The following SLIT3 variants were observed in gnomAD, a reference collection of about 807,000 sequenced individuals.
SLIT3 encodes the protein slit homolog 3 protein.
Under a neutral mutation model 184.0 loss-of-function variants are expected in SLIT3, and 68 were observed. That is an observed-to-expected ratio of 0.37 (90% CI 0.30 to 0.45). The LOEUF is 0.45. Ranked by LOEUF, SLIT3 falls within the 20% of genes least tolerant of loss-of-function variation. SLIT3 has a pLI of 1.00. For missense variants in SLIT3, 1,707 were observed against 2,026.0 expected, an observed-to-expected ratio of 0.84 and a Z score of 3.02; for synonymous variants, 831 against 828.6, an observed-to-expected ratio of 1.00 and a Z score of -0.05.
At chr5:169,221,843 C>T (rs915695788) in intron 3 of SLIT3, among the ~76,000 whole-genome samples, 7 of 152,186 alleles carry the variant, frequency 4.6e-5, no homozygotes, top group Non-Finnish European at 1.0e-4. Flanking sequence ...TCTGCCTCAT[C>T]CAGACAGTCA....
intron 2 of SLIT3, among the ~76,000 whole-genome samples, chr5:169,245,335 G>A (rs1278728590): frequency 2.0e-5 from 3 of 152,154 alleles, no homozygotes; most frequent in South Asian, 2.1e-4. Flanking sequence ...CCAGCCACAC[G>A]CTTCACTCAC....
intron 18 of SLIT3, 94 bp downstream of exon 18, chr5:168,752,861 A>T (rs1383612847): frequency 1.6e-6 from 2 of 1,276,996 alleles, no homozygotes; most frequent in African/African-American, 1.5e-5. Context: ...AGACAGATAG[A>T]TGAGCCTGGC....
chr5:169,045,681 C>G (rs1757601272), intron 4 of SLIT3, among the ~76,000 whole-genome samples: 1 of 152,094 alleles, frequency 6.6e-6, no homozygotes, highest in Non-Finnish European at 1.5e-5. Flanking sequence ...GTGACTTGCC[C>G]AAAGTCAAAC....
chr5:168,730,869 C>G, intron 20 of SLIT3, among the ~76,000 whole-genome samples: 1 of 151,684 alleles, frequency 6.6e-6, no homozygotes, highest in East Asian at 1.9e-4. Flanking sequence ...AGAGAAATAA[C>G]AAAGATCATG....
intron 4 of SLIT3, among the ~76,000 whole-genome samples, chr5:168,894,334 C>G (rs1205335611): frequency 6.6e-6 from 1 of 152,006 alleles, no homozygotes; most frequent in Non-Finnish European, 1.5e-5. Context: ...CAGCATGAGG[C>G]CTGATGCATA....
chr5:169,139,824 GA>G (rs1168202608), intron 4 of SLIT3, among the ~76,000 whole-genome samples: 1 of 152,182 alleles, frequency 6.6e-6, no homozygotes, highest in Admixed American at 6.5e-5. Context: ...TGCCAAAACA[GA>G]ATGCCGCTGA....
intron 4 of SLIT3, among the ~76,000 whole-genome samples, chr5:168,964,484 G>A (rs1403742662): frequency 6.6e-6 from 1 of 152,224 alleles, no homozygotes; most frequent in African/African-American, 2.4e-5. Context: ...GAGATTAGGA[G>A]CCTATGAAAC....
intron 4 of SLIT3, among the ~76,000 whole-genome samples, chr5:169,191,395 A>C (rs1171298155): frequency 6.6e-6 from 1 of 152,156 alleles, no homozygotes; most frequent in Non-Finnish European, 1.5e-5. Flanking sequence ...GCTCAGGGTA[A>C]TTTACCTCAG....
chr5:169,208,028 T>C (rs1486050282), intron 3 of SLIT3, among the ~76,000 whole-genome samples: 2 of 152,108 alleles, frequency 1.3e-5, no homozygotes, highest in Admixed American at 1.3e-4. Context: ...ACAATTCTTA[T>C]GTCAAATTTA....
At chr5:168,847,358 T>A (rs1432282942) in intron 5 of SLIT3, among the ~76,000 whole-genome samples, 1 of 152,194 alleles carries the variant, frequency 6.6e-6, no homozygotes, top group African/African-American at 2.4e-5. Context: ...GACAGGATAT[T>A]CCAACCATGA....
intron 5 of SLIT3, among the ~76,000 whole-genome samples, chr5:168,878,344 C>T (rs28542405): frequency 1.3e-5 from 2 of 152,044 alleles, no homozygotes; most frequent in African/African-American, 4.8e-5. Flanking sequence ...GGGCAGGCGT[C>T]CAGTCCCTTC....
At chr5:168,712,391 A>G (rs752836101) in intron 23 of SLIT3, 37 bp from the exon 24 acceptor site, 3 of 1,591,868 alleles carry the variant, frequency 1.9e-6, no homozygotes, top group South Asian at 2.2e-5. Context: ...GTTAGCATCC[A>G]CTAATTTGAA....
Position 169,215,502 on chromosome 5 carries a change from G to T in SLIT3, c.342-21952C>A, listed in dbSNP as rs576538679. Among the ~76,000 whole-genome samples the T allele has an allele frequency of 5.1e-5, 7 of 136,366 alleles. No homozygotes were observed. In the South Asian group the frequency reaches 1.2e-3, roughly 23 times the overall value. 89.5% of individuals were successfully genotyped at this position (136,366 alleles called of 152,430 possible). A position where few individuals can be genotyped will look rare whatever the true frequency, so the allele number is the denominator to read the frequency against. ...ACAGTAATTACTCTGGGCTTTGTAG[G>T]CTCCATGGTGTCTGTCAACATTACT... On this transcript the variant is annotated intron_variant, in intron 3 of 35. Transcript: ENST00000519560.
chr5:168,795,593 A>C lies in SLIT3; in HGVS notation c.936-15T>G. On this transcript the variant is annotated splice_polypyrimidine_tract_variant and intron_variant, in intron 9 of 35. Coordinates refer to ENST00000519560, the MANE Select transcript of SLIT3 (RefSeq NM_003062.4). ...GTTCTAGGCGTCTGGGAAACAGAGC[A>C]GAGAAGAGTGAATTAACCATCCACC... 3 of 1,606,414 alleles carry C rather than the reference A, an allele frequency of 1.9e-6. No individual in the cohort carries two copies. The highest frequency in any genetic ancestry group is 2.6e-6 in the Non-Finnish European group (3 of 1,172,980).
At chr5:169,194,999 C>T (rs1330568764) in intron 3 of SLIT3, among the ~76,000 whole-genome samples, 2 of 152,178 alleles carry the variant, frequency 1.3e-5, no homozygotes, top group Non-Finnish European at 2.9e-5. Context: ...TTAAAGCATA[C>T]ACCCCACAGT....
chr5:169,235,779 T>A (rs1256207770), intron 3 of SLIT3, among the ~76,000 whole-genome samples: 3 of 152,236 alleles, frequency 2.0e-5, no homozygotes, highest in Non-Finnish European at 4.4e-5. Flanking sequence ...GTTTTTCACT[T>A]AAGACTGAGA....
At chr5:169,296,032 A>G (rs755269902) in intron 1 of SLIT3, among the ~76,000 whole-genome samples, 3 of 152,242 alleles carry the variant, frequency 2.0e-5, no homozygotes, top group Non-Finnish European at 4.4e-5. Context: ...AGATCACTCA[A>G]CAGGAGTCCT....
chr5:168,764,400 C>T (rs553095472), intron 14 of SLIT3, among the ~76,000 whole-genome samples: 8 of 152,314 alleles, frequency 5.3e-5, no homozygotes, highest in South Asian at 4.1e-4. Context: ...ACTCAGTCTG[C>T]GCAGGCTGCT....
At position 168,806,770 on chromosome 5, in the gene SLIT3, GGA is replaced by G. The variant is rs1361292354; in HGVS notation, c.794-185_794-184del. On this transcript the variant is annotated intron_variant, in intron 8 of 35. Transcript: ENST00000519560. ...CCACAGGCTAAATATTCAGCAAAGAGGAGAGAGTCTGACTTGACCTCACTGTT... is the reference window on the plus strand; with the variant it reads ...CCACAGGCTAAATATTCAGCAAAGAGGAGAGTCTGACTTGACCTCACTGTT... Among the ~76,000 whole-genome samples, 3 of 152,282 alleles carry G rather than the reference GGA, an allele frequency of 2.0e-5. No individual in the cohort carries two copies. The East Asian group carries it at 5.8e-4, about 29-fold the overall frequency.
Sources: gnomAD v4.1 joint callset for allele counts (sites outside exome capture counted in the v4.1 genomes callset) on GRCh38, gnomAD v4.1.1 for gene constraint, MANE v1.5 for transcripts, NCBI Gene and HGNC (gene_info 2026-07-23, HGNC 2026-07-21) for gene names.